The following COL23A1 variants were observed in gnomAD, a reference collection of about 807,000 sequenced individuals.
The protein encoded by COL23A1 is collagen alpha-1(XXIII) chain.
Under a neutral mutation model 99.3 loss-of-function variants are expected in COL23A1, and 97 were observed. The observed-to-expected ratio is 0.98, with a 90% confidence interval of 0.83 to 1.16. The LOEUF is 1.16. Ranked by LOEUF, COL23A1 falls within the 50% of genes most tolerant of loss-of-function variation. The pLI is 0.00. For synonymous variants in COL23A1, 320 were observed against 308.2 expected, an observed-to-expected ratio of 1.04 and a Z score of -0.40; for missense variants, 762 against 757.4, an observed-to-expected ratio of 1.01 and a Z score of -0.07.
chr5:178,549,670 C>T (rs1206959922), intron 2 of COL23A1, among the ~76,000 whole-genome samples: 4 of 152,012 alleles, frequency 2.6e-5, no homozygotes, highest in Non-Finnish European at 4.4e-5. Context: ...AAAAAATTAG[C>T]CAGGCGTGGT....
chr5:178,474,631 C>T (rs1474132671), intron 2 of COL23A1, among the ~76,000 whole-genome samples: 2 of 152,128 alleles, frequency 1.3e-5, no homozygotes, highest in African/African-American at 2.4e-5. Context: ...TCTTTGAACA[C>T]GTTTTTACTA....
Position 178,357,703 on chromosome 5 carries a change from A to T in COL23A1, c.362-50784T>A, listed in dbSNP as rs547406258. Reference sequence around the variant, plus strand: ...GTTATTTTGCTTAATGTCAGGTCAGATTTAAAATGTGTGTATGTGTGTGTG... The same window carrying T: ...GTTATTTTGCTTAATGTCAGGTCAGTTTTAAAATGTGTGTATGTGTGTGTG... On this transcript the variant is annotated intron_variant, in intron 2 of 28. Coordinates refer to ENST00000390654, the MANE Select transcript of COL23A1 (RefSeq NM_173465.4). Among the ~76,000 whole-genome samples the T allele has an allele frequency of 1.6e-4, 24 of 149,322 alleles. No individual in the cohort carries two copies. The South Asian group carries it at 4.8e-3, about 30-fold the overall frequency.
chr5:178,459,761 CA>C (rs1354463961), intron 2 of COL23A1, among the ~76,000 whole-genome samples: 1 of 151,950 alleles, frequency 6.6e-6, no homozygotes, highest in African/African-American at 2.4e-5. Flanking sequence ...GATGCTGTCT[CA>C]AAAAATTAAT....
At chr5:178,249,944 T>TCACACATGGTGTTTCTCTAACTCTGTG in intron 18 of COL23A1, 117 bp downstream of exon 18, 1 of 1,356,772 alleles carries the variant, frequency 7.4e-7, no homozygotes, top group South Asian at 1.2e-5. Flanking sequence ...TTTGATTTTC[T>TCACACATGGTGTTTCTCTAACTCTGTG]CACACATGGT....
chr5:178,420,079 G>A (rs1006943374), intron 2 of COL23A1, among the ~76,000 whole-genome samples: 2 of 152,138 alleles, frequency 1.3e-5, no homozygotes, highest in Non-Finnish European at 2.9e-5. Flanking sequence ...TAACTTGCCT[G>A]AAGTTCTAAC....
rs953848452 is a variant in COL23A1 at position 178,248,235 on chromosome 5, C to T, written c.1169G>A (p.Gly390Glu). The T allele has an allele frequency of 1.2e-6, 2 of 1,612,474 alleles. No individual in the cohort carries two copies. The highest frequency in any genetic ancestry group is 1.7e-6 in the Non-Finnish European group (2 of 1,178,790). The stretch of plus-strand genomic sequence containing the variant: ...GTCAGACGCCGACTCCCCCTTCTCC[C>T]CCTTGAGGCCGTCAGCGCCCTGCAG... The part of the protein sequence containing the change: ...SGLPGADGLK[G>E]EKGESASDSL... Residue 390 changes from glycine (G) to glutamate (E), a missense_variant, in exon 20 of 29, where the codon GGG becomes GAG. Transcript: ENST00000390654.
intron 2 of COL23A1, among the ~76,000 whole-genome samples, chr5:178,494,961 G>A (rs1368732083): frequency 2.6e-5 from 4 of 152,202 alleles, no homozygotes; most frequent in Non-Finnish European, 5.9e-5. Flanking sequence ...TCAAATGGTA[G>A]GTGAGGGTAC....
chr5:178,479,051 C>A (rs994122588), intron 2 of COL23A1, among the ~76,000 whole-genome samples: 2 of 152,100 alleles, frequency 1.3e-5, no homozygotes, highest in Non-Finnish European at 2.9e-5. Context: ...TGTGCCAGGG[C>A]AGCCATCTCA....
chr5:178,521,552 CAA>C (rs5873620), intron 2 of COL23A1, among the ~76,000 whole-genome samples: 41,766 of 113,872 alleles, frequency 0.37, 6,712 homozygotes, highest in East Asian at 0.63. Context: ...GACTCCATCT[CAA>C]AAAAAAAAAA....
At chr5:178,298,488 A>T (rs925901536) in intron 3 of COL23A1, among the ~76,000 whole-genome samples, 1 of 152,106 alleles carries the variant, frequency 6.6e-6, no homozygotes, top group Non-Finnish European at 1.5e-5. Flanking sequence ...CCAGGCCTAC[A>T]CACCAGGAGG....
At chr5:178,331,682 G>A (rs1760031786) in intron 2 of COL23A1, among the ~76,000 whole-genome samples, 1 of 152,208 alleles carries the variant, frequency 6.6e-6, no homozygotes, top group Non-Finnish European at 1.5e-5. Context: ...CCTGGCTTCT[G>A]GGTTACAGGC....
At chr5:178,499,014 T>C (rs1026308487) in intron 2 of COL23A1, among the ~76,000 whole-genome samples, 6 of 152,042 alleles carry the variant, frequency 3.9e-5, no homozygotes, top group Non-Finnish European at 8.8e-5. Context: ...TGTTTGAACC[T>C]GGGAGGCGGA....
intron 3 of COL23A1, among the ~76,000 whole-genome samples, chr5:178,303,550 TAGAA>T (rs1290129062): frequency 6.6e-6 from 1 of 152,202 alleles, no homozygotes; most frequent in Non-Finnish European, 1.5e-5. Flanking sequence ...ACTGGATTTT[TAGAA>T]AGAGTTTCTT....
At chr5:178,392,020 A>G (rs1561931894) in intron 2 of COL23A1, among the ~76,000 whole-genome samples, 1 of 152,202 alleles carries the variant, frequency 6.6e-6, no homozygotes, top group Admixed American at 6.5e-5. Flanking sequence ...AATGTCTGGA[A>G]TAGGGAAATC....
chr5:178,496,905 A>G (rs1213264575), intron 2 of COL23A1, among the ~76,000 whole-genome samples: 2 of 152,202 alleles, frequency 1.3e-5, no homozygotes, highest in African/African-American at 4.8e-5. Flanking sequence ...CACAGTGACT[A>G]ATAGCCTTCT....
rs566032303 is a variant in COL23A1, at chr5:178,358,207, G to A, written c.362-51288C>T. Among the ~76,000 whole-genome samples the A allele has an allele frequency of 6.7e-3, 901 of 134,584 alleles. 7 individuals are homozygous for A. The highest frequency in any genetic ancestry group is 0.024 in the African/African-American group (846 of 34,670). 88.3% of individuals were successfully genotyped at this position (134,584 alleles called of 152,430 possible). A position where few individuals can be genotyped will look rare whatever the true frequency, so the allele number is the denominator to read the frequency against. ...TATGTGTATGTGTGTGCATGTGTAC[G>A]TGTGTATGTGTGTCTAATGTGTGTA... On this transcript the variant is annotated intron_variant, in intron 2 of 28. Transcript: ENST00000390654.
intron 1 of COL23A1, among the ~76,000 whole-genome samples, chr5:178,571,347 G>C (rs1484808908): frequency 6.6e-6 from 1 of 152,110 alleles, no homozygotes; most frequent in African/African-American, 2.4e-5. Context: ...GGGTGACAGA[G>C]TGATCAAAGT....
intron 2 of COL23A1, chr5:178,523,563 C>A (rs184525738): frequency 1.3e-5 from 2 of 152,066 alleles, no homozygotes; most frequent in Admixed American, 6.6e-5. Flanking sequence ...CAAAGCTCTG[C>A]GCCTGTCTAG....
intron 2 of COL23A1, among the ~76,000 whole-genome samples, chr5:178,505,916 C>T (rs1161804837): frequency 6.6e-6 from 1 of 151,940 alleles, no homozygotes; most frequent in Non-Finnish European, 1.5e-5. Flanking sequence ...ACAGCAGACC[C>T]CAAGGAGAAG....
Sources: gnomAD v4.1 joint callset for allele counts (sites outside exome capture counted in the v4.1 genomes callset) on GRCh38, gnomAD v4.1.1 for gene constraint, MANE v1.5 for transcripts, NCBI Gene and HGNC (gene_info 2026-07-23, HGNC 2026-07-21) for gene names.